Variants in MYOCOS observed in about 807,000 individuals in gnomAD.
MYOCOS encodes myocilin opposite strand.
intron 2 of MYOCOS, among the ~76,000 whole-genome samples, chr1:171,615,666 G>C (rs535960901): frequency 2.0e-5 from 3 of 152,158 alleles, no homozygotes; most frequent in Non-Finnish European, 4.4e-5. Context: ...GCCCTGTTCT[G>C]TTTCTCTCTG....
upstream of MYOCOS, among the ~76,000 whole-genome samples, chr1:171,618,962 G>A (rs10913301): frequency 0.42 from 64,308 of 151,976 alleles, 13,721 homozygotes; most frequent in East Asian, 0.5. Context: ...AGCCCCTATC[G>A]TTTGAGATAA....
chr1:171,612,594 G>A (rs1470075370), intron 1 of MYOCOS, among the ~76,000 whole-genome samples: 1 of 151,922 alleles, frequency 6.6e-6, no homozygotes, highest in Admixed American at 6.6e-5. Context: ...GGGAGGCCGA[G>A]GTGGGTGGAT....
At chr1:171,606,505 C>T (rs897378763) in intron 1 of MYOCOS, among the ~76,000 whole-genome samples, 12 of 152,324 alleles carry the variant, frequency 7.9e-5, no homozygotes, top group Non-Finnish European at 1.6e-4. Flanking sequence ...AGTTAAAAAT[C>T]AACTCCTGAC....
upstream of MYOCOS, among the ~76,000 whole-genome samples, chr1:171,620,304 G>A (rs916731090): frequency 2.0e-5 from 3 of 151,830 alleles, no homozygotes; most frequent in East Asian, 1.9e-4. Flanking sequence ...AACATTAATC[G>A]TGACTTACTC....
chr1:171,615,158 T>G (rs1652423825), intron 2 of MYOCOS, among the ~76,000 whole-genome samples: 1 of 152,180 alleles, frequency 6.6e-6, no homozygotes, highest in African/African-American at 2.4e-5. Context: ...ACATGACATG[T>G]TTTTAAAAGA....
At chr1:171,612,354 C>T (rs1652373040) in intron 1 of MYOCOS, among the ~76,000 whole-genome samples, 2 of 151,618 alleles carry the variant, frequency 1.3e-5, no homozygotes, top group Admixed American at 6.6e-5. Flanking sequence ...GCTGGGATTA[C>T]AGGTGTGAGC....
Position 171,626,792 on chromosome 1 carries a change from G to T in MYOCOS, c.*191G>T. On this transcript the variant is annotated 3_prime_UTR_variant, in exon 3 of 3. Coordinates refer to ENST00000637642, the MANE Select transcript of MYOCOS (RefSeq NM_001391940.1). ...AGTCATTTTTGGTTTTTTAATCCAA[G>T]TCTCTGATATGATATGCATATATTT... The T allele has an allele frequency of 2.6e-6, 1 of 389,852 alleles. No homozygotes were observed. The highest frequency in any genetic ancestry group is 3.6e-5 in the East Asian group (1 of 27,406). 24.1% of individuals were successfully genotyped at this position (389,852 alleles called of 1,614,324 possible).
At chr1:171,601,996 T>G (rs918944579) in intron 1 of MYOCOS, among the ~76,000 whole-genome samples, 6 of 151,996 alleles carry the variant, frequency 3.9e-5, no homozygotes, top group Non-Finnish European at 8.8e-5. Flanking sequence ...CTTCTAATCT[T>G]GTAGCCTTAG....
upstream of MYOCOS, among the ~76,000 whole-genome samples, chr1:171,618,273 C>G (rs1652486099): frequency 6.6e-6 from 1 of 152,196 alleles, no homozygotes; most frequent in South Asian, 2.1e-4. Flanking sequence ...GTCAAGGGAG[C>G]TGATAGTACA....
intron 1 of MYOCOS, among the ~76,000 whole-genome samples, chr1:171,606,456 A>G (rs938095773): frequency 1.4e-3 from 28 of 19,756 alleles, no homozygotes; most frequent in Admixed American, 6.4e-3. Context: ...GCAGCCCGGC[A>G]CCAGGCCCCA....
chr1:171,604,693 G>A lies in MYOCOS; in HGVS notation c.-252+3613G>A, dbSNP rs190854174. The stretch of plus-strand genomic sequence containing the variant: ...TAATAAACAGCATAGGATAGGATGC[G>A]GTTCTCTAGATTAGAAACAAAGTTA... On this transcript the variant is annotated intron_variant, in intron 1 of 3. Coordinates refer to the MYOCOS transcript ENST00000636697. Among the ~76,000 whole-genome samples the A allele has an allele frequency of 3.8e-3, 579 of 152,218 alleles. 3 individuals are homozygous for A. Among genetic ancestry groups the A allele is most frequent in the African/African-American group, 0.013 (559 of 41,530 alleles).
intron 1 of MYOCOS, among the ~76,000 whole-genome samples, chr1:171,609,996 C>G (rs1241912151): frequency 6.6e-6 from 1 of 152,228 alleles, no homozygotes; most frequent in African/African-American, 2.4e-5. Flanking sequence ...CCTCAGCCCC[C>G]CTTCACATGG....
At chr1:171,607,136 C>T (rs1309897251) in intron 1 of MYOCOS, among the ~76,000 whole-genome samples, 1 of 150,718 alleles carries the variant, frequency 6.6e-6, no homozygotes, top group African/African-American at 2.4e-5. Flanking sequence ...ATCATCCAAC[C>T]TTCATATGTC....
chr1:171,605,395 A>AC (rs1553253249), intron 1 of MYOCOS, among the ~76,000 whole-genome samples: 53,827 of 113,632 alleles, frequency 0.47, 10,209 homozygotes, highest in East Asian at 0.55. Context: ...ACACACACAC[A>AC]AAAAAAAAAA....
Position 171,603,556 on chromosome 1 carries a change from GAC to G in MYOCOS, c.-252+2478_-252+2479del, listed in dbSNP as rs1201797851. ...GATTTAAGTCAATATTTTAGTAGAT[GAC>G]AGTCAATAAAAATGTAAATTAGATA... On this transcript the variant is annotated intron_variant, in intron 1 of 3. Coordinates refer to the MYOCOS transcript ENST00000636697. Among the ~76,000 whole-genome samples, 10 of 152,318 alleles carry G rather than the reference GAC, an allele frequency of 6.6e-5. No individual in the cohort carries two copies. In the East Asian group the frequency reaches 1.9e-3, roughly 29 times the overall value.
intron 1 of MYOCOS, among the ~76,000 whole-genome samples, chr1:171,606,513 G>A (rs1241008055): frequency 1.3e-5 from 2 of 152,168 alleles, no homozygotes; most frequent in African/African-American, 4.8e-5. Context: ...ATCAACTCCT[G>A]ACTTAGAATC....
intron 1 of MYOCOS, among the ~76,000 whole-genome samples, chr1:171,602,506 C>T (rs1380530955): frequency 6.6e-6 from 1 of 152,070 alleles, no homozygotes; most frequent in Non-Finnish European, 1.5e-5. Flanking sequence ...AGGTATCATC[C>T]AATTTTTCTG....
chr1:171,601,269 G>A (rs1053973823), intron 1 of MYOCOS, among the ~76,000 whole-genome samples: 1 of 152,216 alleles, frequency 6.6e-6, no homozygotes, highest in Non-Finnish European at 1.5e-5. Flanking sequence ...ATCACCCAGG[G>A]TGTGCCTGCA....
At chr1:171,614,623 C>T (rs1652416204) in intron 1 of MYOCOS, among the ~76,000 whole-genome samples, 1 of 152,190 alleles carries the variant, frequency 6.6e-6, no homozygotes. Context: ...GAGAGGCACT[C>T]AGCTGAGAGT....
Sources: gnomAD v4.1 joint callset for allele counts (sites outside exome capture counted in the v4.1 genomes callset) on GRCh38, gnomAD v4.1.1 for gene constraint, MANE v1.5 for transcripts, NCBI Gene and HGNC (gene_info 2026-07-23, HGNC 2026-07-21) for gene names.